Variants in NTM observed in about 807,000 individuals in gnomAD.
NTM encodes neurotrimin.
A neutral mutation model predicts 42.1 loss-of-function variants in NTM; 13 were observed. The ratio of observed to expected loss-of-function variants is 0.31; its 90% CI spans 0.20 to 0.49. The LOEUF is 0.49. NTM is among the 20% of genes least tolerant of loss of function. The pLI, the probability that NTM is intolerant of heterozygous loss-of-function variation, is 0.99. For missense variants in NTM, 373 were observed against 452.8 expected (o/e 0.82, Z 1.60); for synonymous variants, 187 against 179.2 (o/e 1.04, Z -0.35).
intron 2 of NTM, among the ~76,000 whole-genome samples, chr11:132,134,705 G>GTGTATATA (rs1277579004): frequency 1.1e-4 from 8 of 75,954 alleles, no homozygotes; most frequent in Non-Finnish European, 1.7e-4. Context: ...GTATTCCATG[G>GTGTATATA]TATATATATA....
intron 4 of NTM, among the ~76,000 whole-genome samples, chr11:132,235,855 T>G (rs2088729583): frequency 6.6e-6 from 1 of 152,170 alleles, no homozygotes; most frequent in African/African-American, 2.4e-5. Context: ...TTGACAATTA[T>G]CAGAACTACT....
At chr11:131,829,793 C>T (rs948168908) in intron 1 of NTM, among the ~76,000 whole-genome samples, 9 of 152,120 alleles carry the variant, frequency 5.9e-5, no homozygotes, top group Non-Finnish European at 1.2e-4. Flanking sequence ...TTTACATTCT[C>T]ATCATAGTGT....
chr11:131,902,902 ATATG>A (rs1187871265), intron 1 of NTM, among the ~76,000 whole-genome samples: 1 of 152,206 alleles, frequency 6.6e-6, no homozygotes, highest in Non-Finnish European at 1.5e-5. Flanking sequence ...ACATAAAATT[ATATG>A]TATGTATATG....
At chr11:131,689,560 C>T (rs2074387541) in intron 1 of NTM, among the ~76,000 whole-genome samples, 1 of 152,228 alleles carries the variant, frequency 6.6e-6, no homozygotes, top group South Asian at 2.1e-4. Context: ...CTTTTGGCCC[C>T]ATTGCCCTGG....
intron 1 of NTM, among the ~76,000 whole-genome samples, chr11:131,466,452 G>T (rs1253095212): frequency 7.2e-5 from 11 of 152,290 alleles, no homozygotes; most frequent in Admixed American, 6.5e-4. Flanking sequence ...GCACAAACTT[G>T]CATAAGGCTT....
intron 2 of NTM, among the ~76,000 whole-genome samples, chr11:131,975,346 A>T (rs1356896675): frequency 6.6e-6 from 1 of 152,000 alleles, no homozygotes; most frequent in African/African-American, 2.4e-5. Flanking sequence ...TGCCCAGCTA[A>T]TTTTTGTATT....
intron 1 of NTM, among the ~76,000 whole-genome samples, chr11:131,664,753 G>GTTTTTTTTTTTTTTTTTTT (rs199824869): frequency 3.5e-5 from 4 of 112,914 alleles, no homozygotes; most frequent in African/African-American, 1.3e-4. Context: ...CTCTTCCATT[G>GTTTTTTTTTTTTTTTTTTT]TTTTTTTTTT....
intron 8 of NTM, among the ~76,000 whole-genome samples, chr11:132,333,121 C>T (rs1466835365): frequency 6.6e-6 from 1 of 152,068 alleles, no homozygotes; most frequent in African/African-American, 2.4e-5. Flanking sequence ...TGGAATTGTA[C>T]GGTGTGATTC....
chr11:132,309,359 C>T (rs1473212437), intron 5 of NTM, among the ~76,000 whole-genome samples: 2 of 152,164 alleles, frequency 1.3e-5, no homozygotes, highest in African/African-American at 4.8e-5. Context: ...TCTGTATATC[C>T]TTCAGGCAAT....
chr11:131,910,442 G>T (rs2054568569), intron 1 of NTM, among the ~76,000 whole-genome samples: 1 of 151,450 alleles, frequency 6.6e-6, no homozygotes, highest in African/African-American at 2.4e-5. Context: ...GCCCGGCGCG[G>T]CGGGGGTTAA....
rs1444007813 is a variant in NTM, at chr11:132,233,458, A to G, written c.526+21311A>G. Among the ~76,000 whole-genome samples, 88 of 152,220 alleles carry G rather than the reference A, an allele frequency of 5.8e-4. 3 individuals are homozygous for G. Among genetic ancestry groups the G allele is most frequent in the Admixed American group, 5.8e-3 (88 of 15,282 alleles). On this transcript the variant is annotated intron_variant, in intron 4 of 8. Transcript: ENST00000683400. ...GTCTCATTTCATGTCACTAGGGATC[A>G]GCAGATTAAGGCAGGTAGGTTTACG...
intron 2 of NTM, among the ~76,000 whole-genome samples, chr11:131,971,430 G>A (rs2063515029): frequency 6.6e-6 from 1 of 151,766 alleles, no homozygotes; most frequent in African/African-American, 2.4e-5. Context: ...AGATTTTCAG[G>A]AAAAAATGCT....
intron 1 of NTM, among the ~76,000 whole-genome samples, chr11:131,882,133 C>G (rs1413255394): frequency 6.6e-6 from 1 of 152,136 alleles, no homozygotes; most frequent in East Asian, 1.9e-4. Context: ...TCAGAATTAT[C>G]TAGAGAATCA....
intron 1 of NTM, among the ~76,000 whole-genome samples, chr11:131,766,854 G>A (rs543968048): frequency 6.1e-4 from 93 of 152,214 alleles, no homozygotes; most frequent in African/African-American, 2.1e-3. Context: ...AACGGGGCCC[G>A]TAAATATTCA....
intron 2 of NTM, among the ~76,000 whole-genome samples, chr11:132,124,854 C>T (rs952513630): frequency 2.0e-5 from 3 of 152,300 alleles, no homozygotes; most frequent in African/African-American, 7.2e-5. Flanking sequence ...AAAATAGCTG[C>T]TCCTGGTGGT....
chr11:131,708,714 G>C (rs1243264729), intron 1 of NTM, among the ~76,000 whole-genome samples: 1 of 152,066 alleles, frequency 6.6e-6, no homozygotes, highest in Non-Finnish European at 1.5e-5. Flanking sequence ...AAAATATATT[G>C]AGGGCCTTCT....
intron 2 of NTM, among the ~76,000 whole-genome samples, chr11:132,070,380 AC>A (rs1566079614): frequency 6.9e-6 from 1 of 143,980 alleles, no homozygotes; most frequent in African/African-American, 2.5e-5. Context: ...AGGTTAGTTA[AC>A]ACGTCACACA....
intron 4 of NTM, among the ~76,000 whole-genome samples, chr11:132,280,210 A>G (rs1342274491): frequency 1.3e-5 from 2 of 152,344 alleles, no homozygotes; most frequent in South Asian, 4.1e-4. Context: ...ATTGTGATTT[A>G]CTAGTTTGCC....
At chr11:131,625,150 A>G (rs951333121) in intron 1 of NTM, among the ~76,000 whole-genome samples, 1 of 152,208 alleles carries the variant, frequency 6.6e-6, no homozygotes, top group Non-Finnish European at 1.5e-5. Flanking sequence ...AGGAAACCAC[A>G]TCATTTAAAA....
Sources: gnomAD v4.1 joint callset for allele counts (sites outside exome capture counted in the v4.1 genomes callset) on GRCh38, gnomAD v4.1.1 for gene constraint, MANE v1.5 for transcripts, NCBI Gene and HGNC (gene_info 2026-07-23, HGNC 2026-07-21) for gene names.